Variants in AOAH observed in about 807,000 individuals in gnomAD.
AOAH encodes the protein acyloxyacyl hydrolase (neutrophil).
AOAH carries 64 observed loss-of-function variants against 92.2 expected under a neutral mutation model. The ratio of observed to expected loss-of-function variants is 0.69; its 90% confidence interval spans 0.57 to 0.86. The LOEUF (loss-of-function observed/expected upper bound fraction) is 0.86. AOAH is among the 40% of genes least tolerant of loss of function. The pLI, the probability that AOAH is intolerant of heterozygous loss-of-function variation, is 0.00. For missense variants in AOAH, 656 were observed against 694.6 expected (o/e 0.94, Z 0.62); for synonymous variants, 263 against 254.5 (o/e 1.03, Z -0.32).
At chr7:36,641,469 C>A (rs2116351599) in intron 4 of AOAH, among the ~76,000 whole-genome samples, 1 of 152,234 alleles carries the variant, frequency 6.6e-6, no homozygotes, top group South Asian at 2.1e-4. Context: ...TAACATTGAG[C>A]CCAGGGCATG....
chr7:36,705,522 T>C (rs796928166), intron 1 of AOAH, among the ~76,000 whole-genome samples: 8 of 152,244 alleles, frequency 5.3e-5, no homozygotes, highest in African/African-American at 1.7e-4. Flanking sequence ...TGCTCATGGA[T>C]AGGAAGAGTC....
At chr7:36,686,843 A>T in intron 1 of AOAH, 49 bp from the exon 2 acceptor site, 1 of 1,263,530 alleles carries the variant, frequency 7.9e-7, no homozygotes, top group Non-Finnish European at 1.1e-6. Flanking sequence ...AGAAAACTGA[A>T]CTGGAGGGAC....
intron 1 of AOAH, among the ~76,000 whole-genome samples, chr7:36,688,278 A>G (rs1319333492): frequency 6.6e-6 from 1 of 152,186 alleles, no homozygotes; most frequent in East Asian, 1.9e-4. Context: ...ACACAATGCA[A>G]CCTTATTTTT....
rs532399946 is a variant in AOAH at position 36,608,364 on chromosome 7, T to C, written c.846+8016A>G. On this transcript the variant is annotated intron_variant, in intron 11 of 20. Transcript: ENST00000617537. ...TGGAGATAAGTGACAGGTTGCAGAA[T>C]TGGCTTCACTCCCTTCCTTTGCAGG... 4.6e-5 allele frequency among the ~76,000 whole-genome samples: 7 copies of C among 152,328 alleles called. No individual in the cohort carries two copies. In the South Asian group the frequency reaches 6.2e-4, roughly 14 times the overall value.
At chr7:36,641,262 G>A (rs1793888033) in intron 4 of AOAH, among the ~76,000 whole-genome samples, 1 of 152,124 alleles carries the variant, frequency 6.6e-6, no homozygotes, top group Admixed American at 6.5e-5. Flanking sequence ...AATAAAAATG[G>A]AGTTTCTGGC....
intron 3 of AOAH, among the ~76,000 whole-genome samples, chr7:36,668,163 C>T (rs969839402): frequency 6.6e-6 from 1 of 152,096 alleles, no homozygotes; most frequent in African/African-American, 2.4e-5. Flanking sequence ...CCTGCTCCCT[C>T]ACTCCTACCA....
At chr7:36,683,169 G>C (rs1408454810) in intron 2 of AOAH, among the ~76,000 whole-genome samples, 1 of 152,146 alleles carries the variant, frequency 6.6e-6, no homozygotes, top group Non-Finnish European at 1.5e-5. Flanking sequence ...GATGCTCAGG[G>C]AAAGACATCA....
In AOAH at chr7:36,516,112, TCA is replaced by T. The variant is rs1454774935; in HGVS notation, c.1600-2734_1600-2733del. ...ACCATACACACACCACACAGATACA[TCA>T]CACACACACCACACACAGATACACC... On this transcript the variant is annotated intron_variant, in intron 20 of 20. Transcript: ENST00000617537. This position sits in a 1 kb window ranked among gnomAD's most constrained non-coding sequence, Gnocchi z 5.0. Among the ~76,000 whole-genome samples, 3 of 115,834 alleles carry T rather than the reference TCA, an allele frequency of 2.6e-5. No homozygotes were observed. The highest frequency in any genetic ancestry group is 1.0e-4 in the African/African-American group (3 of 29,660). The allele number at this position is 115,834 out of a possible 152,430, so 76.0% of individuals were successfully genotyped here.
In AOAH at chr7:36,647,171, C is replaced by T. The variant is rs550205762; in HGVS notation, c.391-9261G>A. 9.2e-5 allele frequency among the ~76,000 whole-genome samples: 14 copies of T among 152,256 alleles called. No individual in the cohort carries two copies. In the East Asian group the frequency reaches 2.5e-3, roughly 27 times the overall value. On this transcript the variant is annotated intron_variant, in intron 4 of 20. Transcript: ENST00000617537. ...ATGCAGACATTAAATATTAATTTTA[C>T]AATTATCGAATTACAATTGTAATAA...
intron 13 of AOAH, among the ~76,000 whole-genome samples, chr7:36,567,485 C>T (rs1414019182): frequency 6.6e-6 from 1 of 152,184 alleles, no homozygotes; most frequent in Non-Finnish European, 1.5e-5. Context: ...ATATAAAGTA[C>T]TTAACGGAGT....
At position 36,620,929 on chromosome 7, in the gene AOAH, C is replaced by T. The variant is rs115741673; in HGVS notation, c.654-100G>A. 9.8e-4 allele frequency: 1,105 copies of T among 1,125,812 alleles called. 9 individuals are homozygous for T. In the African/African-American group the frequency reaches 0.01, roughly 11 times the overall value. The allele number at this position is 1,125,812 out of a possible 1,614,324, so 69.7% of individuals were successfully genotyped here. A position where few individuals can be genotyped will look rare whatever the true frequency, so the allele number is the denominator to read the frequency against. On this transcript the variant is annotated intron_variant, in intron 8 of 20. Coordinates refer to ENST00000617537, the MANE Select transcript of AOAH (RefSeq NM_001637.4). The stretch of plus-strand genomic sequence containing the variant: ...AATGAATGAATGAATGAATGCTACA[C>T]GAAGTGCCATGGAGAGACAACAGCA...
intron 3 of AOAH, among the ~76,000 whole-genome samples, chr7:36,668,876 C>G (rs1181398190): frequency 6.6e-6 from 1 of 152,236 alleles, no homozygotes; most frequent in Admixed American, 6.5e-5. Context: ...AGAGTGGTGA[C>G]TTTCAAACTT....
intron 4 of AOAH, among the ~76,000 whole-genome samples, chr7:36,647,198 T>C (rs1191114808): frequency 6.6e-6 from 1 of 152,150 alleles, no homozygotes; most frequent in Admixed American, 6.5e-5. Context: ...TTGTAATAAG[T>C]GCTGGAAAAA....
chr7:36,540,175 C>T (rs535988941), intron 16 of AOAH, 144 bp downstream of exon 16: 5 of 709,238 alleles, frequency 7.0e-6, no homozygotes, highest in South Asian at 4.5e-5. Context: ...AGATACTGCA[C>T]CTAGGGGCTC....
chr7:36,557,983 C>T (rs1377690861), intron 13 of AOAH, among the ~76,000 whole-genome samples: 3 of 152,236 alleles, frequency 2.0e-5, no homozygotes, highest in African/African-American at 7.2e-5. Context: ...CTTCTCTCAA[C>T]TCGTCAAAGT....
intron 5 of AOAH, among the ~76,000 whole-genome samples, chr7:36,632,717 A>G (rs1457517588): frequency 6.6e-6 from 1 of 152,210 alleles, no homozygotes; most frequent in South Asian, 2.1e-4. Context: ...AAAGAGAAGA[A>G]GACAATAGGG....
intron 13 of AOAH, among the ~76,000 whole-genome samples, chr7:36,567,135 T>G (rs182369232): frequency 9.2e-5 from 14 of 152,174 alleles, no homozygotes; most frequent in Admixed American, 5.9e-4. Context: ...TTAAATAAAT[T>G]TTCACTCCTG....
At chr7:36,585,540 T>A (rs1294147239) in intron 12 of AOAH, among the ~76,000 whole-genome samples, 1 of 152,156 alleles carries the variant, frequency 6.6e-6, no homozygotes, top group Admixed American at 6.5e-5. Flanking sequence ...AAATGCTCAT[T>A]GCAGCATTAC....
At chr7:36,709,768 T>A (rs947547057) in intron 1 of AOAH, among the ~76,000 whole-genome samples, 12 of 152,146 alleles carry the variant, frequency 7.9e-5, no homozygotes, top group Non-Finnish European at 1.8e-4. Context: ...CAAAAAGGTA[T>A]GACATTGGAG....
Sources: gnomAD v4.1 joint callset for allele counts (sites outside exome capture counted in the v4.1 genomes callset) on GRCh38, gnomAD v4.1.1 for gene constraint, Gnocchi (gnomAD v3.1) non-coding constraint, MANE v1.5 for transcripts, NCBI Gene and HGNC (gene_info 2026-07-23, HGNC 2026-07-21) for gene names.